The following SPAG5 variants were observed in gnomAD, a reference collection of about 807,000 sequenced individuals.
The protein encoded by SPAG5 is sperm associated antigen 5, also known as sperm-associated antigen 5.
In SPAG5, 99 loss-of-function variants were observed where a neutral mutation model predicts 145.4. The observed-to-expected ratio is 0.68, with a 90% CI of 0.58 to 0.80. The LOEUF (loss-of-function observed/expected upper bound fraction) is 0.80, where lower values mean the gene tolerates loss of function less well. Among genes scored for constraint, SPAG5 ranks in the 30% least tolerant of loss-of-function variants. SPAG5 has a pLI of 0.00. For missense variants in SPAG5, 1,192 were observed against 1,416.0 expected (o/e 0.84, Z 2.54); for synonymous variants, 477 against 525.4 (o/e 0.91, Z 1.26).
Position 28,593,004 on chromosome 17 carries a change from T to C in SPAG5, c.240A>G (p.Ser80=), listed in dbSNP as rs778813639. 3.1e-6 allele frequency: 5 copies of C among 1,614,224 alleles called. No individual in the cohort carries two copies. The highest frequency in any genetic ancestry group is 1.7e-5 in the Admixed American group (1 of 60,026). The change falls in exon 3 of 24, where the codon TCA becomes TCG. Residue 80 remains serine, a synonymous_variant. Coordinates refer to ENST00000321765, the MANE Select transcript of SPAG5 (RefSeq NM_006461.4). ...ACTTTGAGGAATGACTGAAATGTTC[T>C]GAAGATAAGTCTGTCCTCTTGTTAT... The part of the protein sequence containing the change: ...FVNNKRTDLS[S]EHFSHSSKWL...
At chr17:28,591,345 C>T (rs78511242) in intron 4 of SPAG5, among the ~76,000 whole-genome samples, 3,264 of 152,326 alleles carry the variant, frequency 0.021, 106 homozygotes, top group African/African-American at 0.074. Context: ...TCATAGCTCA[C>T]TGCAGCCTTA....
At chr17:28,595,540 G>C (rs548247559) in intron 2 of SPAG5, among the ~76,000 whole-genome samples, 1 of 152,154 alleles carries the variant, frequency 6.6e-6, no homozygotes, top group South Asian at 2.1e-4. Context: ...TTGAGGTCAA[G>C]AGTTTGAGAC....
At chr17:28,595,697 C>T (rs1267222718) in intron 2 of SPAG5, among the ~76,000 whole-genome samples, 4 of 149,930 alleles carry the variant, frequency 2.7e-5, no homozygotes, top group Non-Finnish European at 4.4e-5. Flanking sequence ...TGCAGTGAGC[C>T]GAGATCACAC....
intron 4 of SPAG5, among the ~76,000 whole-genome samples, chr17:28,587,771 T>C (rs1162007269): frequency 4.9e-5 from 7 of 142,410 alleles, no homozygotes; most frequent in South Asian, 2.2e-4. Context: ...TGCAGATAAA[T>C]AGAGTATGCT....
chr17:28,587,248 T>TAA (rs1555536335), intron 4 of SPAG5, among the ~76,000 whole-genome samples: 32 of 101,168 alleles, frequency 3.2e-4, no homozygotes, highest in Middle Eastern at 6.6e-3. Flanking sequence ...ACCCCATCTC[T>TAA]AAAAAAAAAA....
rs374318630 is a variant in SPAG5 at position 28,592,846 on chromosome 17, A to G, written c.398T>C (p.Val133Ala). The change falls in exon 3 of 24, where the codon GTA becomes GCA. Residue 133 changes from valine (V) to alanine (A), a missense_variant. Transcript: ENST00000321765. ...GNYMVKTIVL[V>A]PSPLGQQQDM... ...TTGTTGCTGCCCCAGTGGAGATGGTACAAGGACGATGGTTTTAACCATATA... is the reference window on the plus strand; with the variant it reads ...TTGTTGCTGCCCCAGTGGAGATGGTGCAAGGACGATGGTTTTAACCATATA... The G allele has an allele frequency of 6.2e-7, 1 of 1,614,226 alleles. No individual in the cohort carries two copies. The highest frequency in any genetic ancestry group is 1.3e-5 in the African/African-American group (1 of 75,058).
At chr17:28,597,456 C>A (rs538373327) in intron 2 of SPAG5, among the ~76,000 whole-genome samples, 2 of 152,176 alleles carry the variant, frequency 1.3e-5, no homozygotes, top group Admixed American at 1.3e-4. Context: ...ACCTCAGCCA[C>A]GTTTTAAGTG....
rs761523460 is a variant in SPAG5, at chr17:28,580,060, G to A, written c.2746C>T (p.Pro916Ser). The change falls in exon 16 of 24, where the codon CCT (proline) becomes TCT (serine). Residue 916 changes from proline (P) to serine (S), a missense_variant. Pro to Ser is a moderately conservative substitution (Grantham distance 74). Transcript: ENST00000321765. Reference protein sequence around the residue: ...ACPPTQEHPLPNDRTFLGSIL... With the variant: ...ACPPTQEHPLSNDRTFLGSIL... ...CTTCCCAGGAAGGTCCTGTCATTAG[G>A]CAGAGGGTGTTCCTGGGTGGGAGGA... The A allele has an allele frequency of 1.2e-6, 2 of 1,614,064 alleles. No individual in the cohort carries two copies. Among genetic ancestry groups the A allele is most frequent in the South Asian group, 1.1e-5 (1 of 91,060 alleles).
chr17:28,585,038 G>T, intron 10 of SPAG5, 64 bp downstream of exon 10: 1 of 1,386,618 alleles, frequency 7.2e-7, no homozygotes, highest in South Asian at 1.2e-5. Flanking sequence ...CAGGGTAAGA[G>T]GCTAATGGTA....
rs1374766888 is a variant in SPAG5 at position 28,585,330 on chromosome 17, T to C, written c.1942A>G (p.Met648Val). The change falls in exon 9 of 24, where the codon ATG (methionine) becomes GTG (valine). Residue 648 changes from methionine to valine, a missense_variant. By Grantham distance (21) the Met-to-Val change is conservative. This residue lies in a region of SPAG5 where 709 missense variants were observed against 840.7 expected (regional missense o/e 0.84). Transcript: ENST00000321765. ...TSTLQQDWRS[M>V]QLDYTTWTAL... Reference sequence around the variant, plus strand: ...TCCCAAATACTCACATCCAGTTGCATGGACCTCCAGTCTTGTTGCAAGGTA... The same window carrying C: ...TCCCAAATACTCACATCCAGTTGCACGGACCTCCAGTCTTGTTGCAAGGTA... 3 of 1,614,166 alleles carry C rather than the reference T, an allele frequency of 1.9e-6. No individual in the cohort carries two copies. Among genetic ancestry groups the C allele is most frequent in the East Asian group, 2.2e-5 (1 of 44,882 alleles).
At chr17:28,582,809 T>C (rs939972394) in intron 15 of SPAG5, 5 of 152,230 alleles carry the variant, frequency 3.3e-5, no homozygotes, top group Non-Finnish European at 5.9e-5. Flanking sequence ...TCTGCTTTCT[T>C]GAAACATAGT....
Position 28,578,361 on chromosome 17 carries a change from ACT to A in SPAG5, c.3354+10_3354+11del. 1 of 1,614,022 alleles carries A rather than the reference ACT, an allele frequency of 6.2e-7. No homozygotes were observed. Among genetic ancestry groups the A allele is most frequent in the Non-Finnish European group, 8.5e-7 (1 of 1,179,952 alleles). ...CACCTGCTGTCCAGCTCCTCTGTTA[ACT>A]CTGAGTCACCTCCTGAGAGAGCCAC... On this transcript the variant is annotated intron_variant, in intron 21 of 23. Coordinates refer to ENST00000321765, the MANE Select transcript of SPAG5 (RefSeq NM_006461.4).
At chr17:28,598,033 C>T (rs940833985) in intron 2 of SPAG5, among the ~76,000 whole-genome samples, 3 of 152,180 alleles carry the variant, frequency 2.0e-5, no homozygotes, top group Non-Finnish European at 4.4e-5. Context: ...TCTCTCAAAA[C>T]GTTTAACAAA....
At chr17:28,578,812 CAGG>C in intron 19 of SPAG5, 60 bp from the exon 20 acceptor site, 1 of 1,390,116 alleles carries the variant, frequency 7.2e-7, no homozygotes, top group Non-Finnish European at 1.0e-6. Flanking sequence ...CAGCCCTTGC[CAGG>C]AGGTAGGAGA....
intron 15 of SPAG5, among the ~76,000 whole-genome samples, chr17:28,581,696 C>A (rs1459876182): frequency 6.6e-6 from 1 of 152,130 alleles, no homozygotes; most frequent in African/African-American, 2.4e-5. Context: ...CGGTCTAGGT[C>A]TCTCCCGCTG....
intron 15 of SPAG5, chr17:28,580,751 C>T (rs2070544812): frequency 6.6e-6 from 1 of 152,218 alleles, no homozygotes; most frequent in South Asian, 2.1e-4. Context: ...GGGTTAAGTC[C>T]TTGGCCCTAA....
Position 28,592,745 on chromosome 17 carries a change from C to CT in SPAG5, c.498dup (p.Asp167ArgfsTer24). The stretch of plus-strand genomic sequence containing the variant: ...GCCACCTCCTCTCTCACCAGATCGT[C>CT]TGTTCTCAAAGGTCCATTTAAAGAT... On this transcript the variant is annotated frameshift_variant, in exon 3 of 24. Transcript: ENST00000321765. LOFTEE classifies it high-confidence loss of function. The CT allele has an allele frequency of 6.2e-7, 1 of 1,614,210 alleles. No homozygotes were observed. The highest frequency in any genetic ancestry group is 1.1e-5 in the South Asian group (1 of 91,090).
In SPAG5 at chr17:28,589,289, G is replaced by C. The variant is rs542403624; in HGVS notation, c.1437+2409C>G. 1.4e-3 allele frequency among the ~76,000 whole-genome samples: 211 copies of C among 152,042 alleles called. 1 individual carries two copies. Among genetic ancestry groups the C allele is most frequent in the African/African-American group, 5.0e-3 (207 of 41,496 alleles). ...AATTTTTGTATTTTTAGTAAAGACGGGGTTTCGCCATGTTGGCCAGGCTGG... is the reference window on the plus strand; with the variant it reads ...AATTTTTGTATTTTTAGTAAAGACGCGGTTTCGCCATGTTGGCCAGGCTGG... On this transcript the variant is annotated intron_variant, in intron 4 of 23. Transcript: ENST00000321765.
chr17:28,593,657 G>A (rs2070640101), intron 2 of SPAG5, among the ~76,000 whole-genome samples: 2 of 152,114 alleles, frequency 1.3e-5, no homozygotes. Context: ...TCAGGGGGCA[G>A]AGGTTGCAGT....
Sources: allele counts gnomAD v4.1 joint callset (sites outside exome capture counted in the v4.1 genomes callset), GRCh38; gene constraint gnomAD v4.1.1; regional missense constraint gnomAD v4.1.1; transcripts MANE v1.5; gene names NCBI Gene and HGNC (gene_info 2026-07-23, HGNC 2026-07-21).